The following CPNE5 variants were observed in gnomAD, a reference collection of about 807,000 sequenced individuals.
CPNE5 encodes the protein copine-5.
In CPNE5, 42 loss-of-function variants were observed where a neutral mutation model predicts 81.1. The ratio of observed to expected loss-of-function variants is 0.52; its 90% CI spans 0.40 to 0.67. The LOEUF (loss-of-function observed/expected upper bound fraction) is 0.67. CPNE5 is among the 30% of genes least tolerant of loss of function. The probability of loss-of-function intolerance (pLI) is 0.00; values close to 1 mark genes in which losing one functional copy is unlikely to be tolerated. For missense variants in CPNE5, 612 were observed against 815.5 expected (o/e 0.75, Z 3.04); for synonymous variants, 313 against 321.5 (o/e 0.97, Z 0.28).
chr6:36,829,356 G>A (rs1772783529), intron 1 of CPNE5, among the ~76,000 whole-genome samples: 1 of 152,058 alleles, frequency 6.6e-6, no homozygotes, highest in African/African-American at 2.4e-5. Context: ...AATTAGCCGG[G>A]TGTGGTGGTG....
intron 13 of CPNE5, 147 bp downstream of exon 13, chr6:36,756,096 CCA>C: frequency 1.7e-6 from 1 of 579,522 alleles, no homozygotes; most frequent in East Asian, 3.2e-5. Context: ...TCCATCTGCC[CCA>C]CCCCTCCCCA....
At chr6:36,812,735 G>A (rs1400343266) in intron 3 of CPNE5, among the ~76,000 whole-genome samples, 1 of 152,210 alleles carries the variant, frequency 6.6e-6, no homozygotes, top group Non-Finnish European at 1.5e-5. Context: ...TCAGAGCCCT[G>A]AAAATTCAGC....
intron 20 of CPNE5, chr6:36,743,360 T>C: frequency 3.8e-6 from 2 of 520,562 alleles, no homozygotes; most frequent in Non-Finnish European, 4.9e-6. Context: ...AGACACTGCC[T>C]CAGCCTTCAA....
At chr6:36,831,754 G>A (rs1188301671) in intron 1 of CPNE5, among the ~76,000 whole-genome samples, 4 of 151,698 alleles carry the variant, frequency 2.6e-5, no homozygotes, top group Non-Finnish European at 5.9e-5. Flanking sequence ...TGATTAAACT[G>A]ATTTAGCACA....
intron 3 of CPNE5, among the ~76,000 whole-genome samples, chr6:36,801,996 G>A (rs1297327682): frequency 6.6e-6 from 1 of 152,034 alleles, no homozygotes; most frequent in East Asian, 1.9e-4. Flanking sequence ...CGAGGTGGGC[G>A]GATCACGAGG....
At chr6:36,772,451 G>A (rs898100337) in intron 10 of CPNE5, among the ~76,000 whole-genome samples, 19 of 152,266 alleles carry the variant, frequency 1.2e-4, no homozygotes, top group African/African-American at 3.9e-4. Context: ...TGACTGCAGC[G>A]CTAAGACCGT....
rs1769140568 is a variant in CPNE5 at position 36,792,015 on chromosome 6, G to C, written c.528+18C>G. The C allele has an allele frequency of 1.2e-6, 2 of 1,611,776 alleles. No homozygotes were observed. The highest frequency in any genetic ancestry group is 1.7e-4 in the Middle Eastern group (1 of 6,014). On this transcript the variant is annotated intron_variant, in intron 8 of 20. Transcript: ENST00000244751. ...CCCACCCCAACCACGTCCTGTGCTG[G>C]AGTCCTCTGCCACTCACCCTACAGT...
intron 1 of CPNE5, 151 bp from the exon 2 acceptor site, chr6:36,823,249 C>G: frequency 1.8e-6 from 1 of 559,854 alleles, no homozygotes; most frequent in Non-Finnish European, 2.9e-6. Context: ...TCATTAAAAG[C>G]CAGGCACTGG....
At chr6:36,767,145 G>A (rs534407688) in intron 10 of CPNE5, among the ~76,000 whole-genome samples, 3 of 152,278 alleles carry the variant, frequency 2.0e-5, no homozygotes, top group South Asian at 2.1e-4. Flanking sequence ...CATGAGCCAC[G>A]GCGCCCGGCC....
chr6:36,756,337 AG>A (rs1384718325), intron 12 of CPNE5, 39 bp from the exon 13 acceptor site: 2 of 1,589,074 alleles, frequency 1.3e-6, no homozygotes, highest in Non-Finnish European at 1.7e-6. Flanking sequence ...GCATGCTTCC[AG>A]GCAGTCAGGG....
In CPNE5 at chr6:36,762,986, G is replaced by A. The variant is rs41272182; in HGVS notation, c.786C>T (p.Asp262=). 314 of 1,614,100 alleles carry A rather than the reference G, an allele frequency of 1.9e-4. No individual in the cohort carries two copies. Among genetic ancestry groups the A allele is most frequent in the Non-Finnish European group, 2.5e-4 (297 of 1,179,968 alleles). The change falls in exon 12 of 21, where the codon GAC becomes GAT. Residue 262 remains aspartate, a synonymous_variant. Coordinates refer to ENST00000244751, the MANE Select transcript of CPNE5 (RefSeq NM_020939.2). ...AACTGGTGGTGAACTCCCCAATGAA[G>A]TCATGGCTGCAAGGGAAGACGGCTG... The part of the protein sequence containing the change: ...VYDWDRDGSH[D]FIGEFTTSYR...
intron 9 of CPNE5, among the ~76,000 whole-genome samples, chr6:36,777,368 C>T (rs972649542): frequency 6.6e-6 from 1 of 151,604 alleles, no homozygotes; most frequent in African/African-American, 2.4e-5. Flanking sequence ...CCTCCCCACC[C>T]ATCCTACACA....
chr6:36,770,376 A>C (rs1766945004), intron 10 of CPNE5, among the ~76,000 whole-genome samples: 1 of 152,210 alleles, frequency 6.6e-6, no homozygotes, highest in Non-Finnish European at 1.5e-5. Context: ...GTTATTGTAA[A>C]ATTTAAATTC....
At chr6:36,779,612 CTAAGAAGCCAAAGGCT>C (rs1259178707) in intron 8 of CPNE5, among the ~76,000 whole-genome samples, 4 of 152,224 alleles carry the variant, frequency 2.6e-5, no homozygotes, top group Non-Finnish European at 5.9e-5. Context: ...CATTTCACAG[CTAAGAAGCCAAAGGCT>C]CAGAGCAGGG....
At chr6:36,838,171 A>G (rs1773696576) in intron 1 of CPNE5, among the ~76,000 whole-genome samples, 1 of 152,132 alleles carries the variant, frequency 6.6e-6, no homozygotes, top group African/African-American at 2.4e-5. Context: ...CACCTCATCA[A>G]TGCCACAACT....
At chr6:36,744,673 T>G (rs560652106) in intron 18 of CPNE5, 21 of 481,838 alleles carry the variant, frequency 4.4e-5, no homozygotes, top group African/African-American at 3.3e-4. Flanking sequence ...CCCACTCCTT[T>G]GACCTGGCCA....
chr6:36,792,234 CAG>C lies in CPNE5; in HGVS notation c.465-140_465-139del, dbSNP rs924512528. ...GATCACCCCAAAGCCCCTGAGAAGA[CAG>C]AGTCTCCTGAGATCCTTGTGGCAGT... On this transcript the variant is annotated intron_variant, in intron 7 of 20. Transcript: ENST00000244751. 1.1e-4 allele frequency: 137 copies of C among 1,239,990 alleles called. 1 individual carries two copies. The highest frequency in any genetic ancestry group is 1.9e-4 in the Middle Eastern group (1 of 5,320). 76.8% of individuals were successfully genotyped at this position (1,239,990 alleles called of 1,614,324 possible). A position where few individuals can be genotyped will look rare whatever the true frequency, so the allele number is the denominator to read the frequency against.
At chr6:36,812,009 CAGG>C (rs1359899016) in intron 3 of CPNE5, among the ~76,000 whole-genome samples, 1 of 152,122 alleles carries the variant, frequency 6.6e-6, no homozygotes, top group East Asian at 1.9e-4. Flanking sequence ...GAGGCTGAGG[CAGG>C]AGAATTGCTT....
intron 12 of CPNE5, among the ~76,000 whole-genome samples, chr6:36,761,102 C>G (rs1562106710): frequency 6.6e-6 from 1 of 152,218 alleles, no homozygotes; most frequent in African/African-American, 2.4e-5. Context: ...CTGGGCCTGT[C>G]AAGCACCTTT....
Sources: allele counts gnomAD v4.1 joint callset (sites outside exome capture counted in the v4.1 genomes callset), GRCh38; gene constraint gnomAD v4.1.1; transcripts MANE v1.5; gene names NCBI Gene and HGNC (gene_info 2026-07-23, HGNC 2026-07-21).